Variants in CREB3L2 observed in about 807,000 individuals in gnomAD.
CREB3L2 encodes the protein cyclic AMP-responsive element-binding protein 3-like protein 2.
CREB3L2 carries 23 observed loss-of-function variants against 57.2 expected under a neutral mutation model. That is an observed-to-expected ratio of 0.40 (90% CI 0.29 to 0.57). The LOEUF (loss-of-function observed/expected upper bound fraction) is 0.57, where lower values mean the gene tolerates loss of function less well. Ranked by LOEUF, CREB3L2 falls within the 20% of genes least tolerant of loss-of-function variation. CREB3L2 has a pLI of 0.42. For missense variants in CREB3L2, 628 were observed against 634.7 expected, an observed-to-expected ratio of 0.99 and a Z score of 0.11; for synonymous variants, 268 against 265.1, an observed-to-expected ratio of 1.01 and a Z score of -0.11.
chr7:138,001,802 T>C lies in CREB3L2; in HGVS notation c.-97A>G, dbSNP rs1165196129. Reference sequence around the variant, plus strand: ...AAGGTTCCTCTCTCTCCGCGTGTGCTTGCGTGTGTGCGCGCGCGTGTCTGT... The same window carrying C: ...AAGGTTCCTCTCTCTCCGCGTGTGCCTGCGTGTGTGCGCGCGCGTGTCTGT... On this transcript the variant is annotated 5_prime_UTR_variant, in exon 1 of 12. Coordinates refer to ENST00000330387, the MANE Select transcript of CREB3L2 (RefSeq NM_194071.4). The surrounding 1 kb of genome is among the most constrained non-coding windows in gnomAD (Gnocchi z 4.2). 1 of 828,118 alleles carries C rather than the reference T, an allele frequency of 1.2e-6. No individual in the cohort carries two copies. 51.3% of individuals were successfully genotyped at this position (828,118 alleles called of 1,614,324 possible).
rs1338559912 is a variant in CREB3L2 at position 137,901,543 on chromosome 7, A to T, written c.975-121T>A. 2.5e-5 allele frequency: 15 copies of T among 595,938 alleles called. No individual in the cohort carries two copies. The Admixed American group carries it at 4.7e-4, about 19-fold the overall frequency. 36.9% of individuals were successfully genotyped at this position (595,938 alleles called of 1,614,324 possible). On this transcript the variant is annotated intron_variant, in intron 7 of 11. Transcript: ENST00000330387. ...GTTGGGGGGATCTGCCACCCCATGG[A>T]AGTGTGGGAAAGTATTGAAAGAAGG...
At chr7:137,881,091 A>G (rs954306747) in intron 11 of CREB3L2, among the ~76,000 whole-genome samples, 1 of 152,194 alleles carries the variant, frequency 6.6e-6, no homozygotes, top group African/African-American at 2.4e-5. Context: ...TCACAGAACA[A>G]ATGGGATTTG....
At chr7:137,909,980 T>G (rs1417975059) in intron 4 of CREB3L2, among the ~76,000 whole-genome samples, 1 of 152,172 alleles carries the variant, frequency 6.6e-6, no homozygotes, top group Non-Finnish European at 1.5e-5. Flanking sequence ...AAATGTGCCT[T>G]TCGCTTTCCA....
intron 1 of CREB3L2, among the ~76,000 whole-genome samples, chr7:137,973,712 T>TCA (rs1334441614): frequency 6.6e-6 from 1 of 152,154 alleles, no homozygotes; most frequent in East Asian, 1.9e-4. Context: ...GTTTTACAAC[T>TCA]CAGTCTTCAA....
Position 137,877,561 on chromosome 7 carries a change from A to C in CREB3L2, c.*2915T>G, listed in dbSNP as rs1282011462. 1 of 225,546 alleles carries C rather than the reference A, an allele frequency of 4.4e-6. No individual in the cohort carries two copies. Among genetic ancestry groups the C allele is most frequent in the African/African-American group, 2.2e-5 (1 of 44,864 alleles). The allele number at this position is 225,546 out of a possible 1,614,324, so 14.0% of individuals were successfully genotyped here. ...CTCAGGTCTTATCCAGTGAAAAATT[A>C]GTTCTCTGAATCTTTGCAAAACATC... On this transcript the variant is annotated 3_prime_UTR_variant, in exon 12 of 12. Transcript: ENST00000330387.
At chr7:137,962,636 C>T (rs886486213) in intron 1 of CREB3L2, among the ~76,000 whole-genome samples, 2 of 152,096 alleles carry the variant, frequency 1.3e-5, no homozygotes, top group East Asian at 1.9e-4. Context: ...CAGTCAGAGC[C>T]TCCCACCCCC....
rs1243266014 is a variant in CREB3L2, at chr7:137,878,238, G to A, written c.*2238C>T. ...TCTCCCTCCTCATTTAGAAGAGCAC[G>A]TTTCCTACTCTACGTCTGGGAGCCT... On this transcript the variant is annotated 3_prime_UTR_variant, in exon 12 of 12. Transcript: ENST00000330387. 3.0e-5 allele frequency: 7 copies of A among 232,374 alleles called. No individual in the cohort carries two copies. The highest frequency in any genetic ancestry group is 5.1e-5 in the Non-Finnish European group (6 of 117,580). The allele number at this position is 232,374 out of a possible 1,614,324, so 14.4% of individuals were successfully genotyped here. A position where few individuals can be genotyped will look rare whatever the true frequency, so the allele number is the denominator to read the frequency against.
At chr7:137,895,377 C>A (rs1439570733) in intron 8 of CREB3L2, among the ~76,000 whole-genome samples, 1 of 152,148 alleles carries the variant, frequency 6.6e-6, no homozygotes, top group Non-Finnish European at 1.5e-5. Flanking sequence ...AAGAAGGGCC[C>A]CCTGGGAAAC....
chr7:137,994,282 G>A (rs749177811), intron 1 of CREB3L2, among the ~76,000 whole-genome samples: 22 of 152,228 alleles, frequency 1.4e-4, no homozygotes, highest in Non-Finnish European at 3.1e-4. Context: ...AGTTTTAGCT[G>A]CAGACAGGCA....
At chr7:137,920,930 A>ACAC (rs1207097636) in intron 2 of CREB3L2, among the ~76,000 whole-genome samples, 2 of 152,250 alleles carry the variant, frequency 1.3e-5, no homozygotes, top group African/African-American at 4.8e-5. Flanking sequence ...CTATGAAGTG[A>ACAC]GGGTTAAGGA....
At chr7:137,943,142 TA>T (rs1300056361) in intron 1 of CREB3L2, among the ~76,000 whole-genome samples, 1 of 152,096 alleles carries the variant, frequency 6.6e-6, no homozygotes, top group African/African-American at 2.4e-5. Context: ...TCTCTTTTGT[TA>T]GGAAATAAAA....
chr7:138,001,707 G>A lies in CREB3L2; in HGVS notation c.-2C>T, dbSNP rs760503069. 2.5e-6 allele frequency: 4 copies of A among 1,606,912 alleles called. No individual in the cohort carries two copies. The South Asian group carries it at 4.4e-5, about 18-fold the overall frequency. ...CTCCCCGCTCTCCAGCACCTCCATG[G>A]CGGTGCGGGCCGCGCTGGGCCGAGG... On this transcript the variant is annotated 5_prime_UTR_variant, in exon 1 of 12. Coordinates refer to ENST00000330387, the MANE Select transcript of CREB3L2 (RefSeq NM_194071.4). This position sits in a 1 kb window ranked among gnomAD's most constrained non-coding sequence, Gnocchi z 4.2.
chr7:137,931,542 A>C (rs1800637141), intron 1 of CREB3L2, among the ~76,000 whole-genome samples: 1 of 150,888 alleles, frequency 6.6e-6, no homozygotes, highest in African/African-American at 2.5e-5. Context: ...AAAAAAAAAA[A>C]ACTGGCCAGG....
intron 4 of CREB3L2, 64 bp from the exon 5 acceptor site, chr7:137,908,500 G>T: frequency 8.4e-7 from 1 of 1,197,460 alleles, no homozygotes; most frequent in Non-Finnish European, 1.1e-6. Flanking sequence ...ACTGATTTGT[G>T]GCATAGCAAA....
intron 1 of CREB3L2, among the ~76,000 whole-genome samples, chr7:137,988,805 C>T (rs533585420): frequency 1.3e-5 from 2 of 152,118 alleles, no homozygotes; most frequent in Admixed American, 1.3e-4. Context: ...ATGAAAGGAC[C>T]CTCAGAGGCC....
At chr7:137,999,084 T>G (rs1369623838) in intron 1 of CREB3L2, among the ~76,000 whole-genome samples, 1 of 88,278 alleles carries the variant, frequency 1.1e-5, no homozygotes, top group Non-Finnish European at 2.8e-5. Flanking sequence ...CTCACCAAAA[T>G]GAGTAATCTG....
chr7:137,913,672 T>G (rs1037884752), intron 3 of CREB3L2, among the ~76,000 whole-genome samples: 13 of 152,120 alleles, frequency 8.5e-5, no homozygotes, highest in Admixed American at 3.9e-4. Context: ...ACTTTTTTTT[T>G]TGTGGCATCA....
chr7:137,912,353 G>A (rs1367173863), intron 4 of CREB3L2, among the ~76,000 whole-genome samples: 2 of 148,062 alleles, frequency 1.4e-5, no homozygotes, highest in African/African-American at 5.1e-5. Flanking sequence ...CTCCAGCCTG[G>A]TAACAGAGTG....
chr7:137,994,962 C>T (rs917390096), intron 1 of CREB3L2, among the ~76,000 whole-genome samples: 2 of 152,148 alleles, frequency 1.3e-5, no homozygotes, highest in Admixed American at 1.3e-4. Context: ...ACTAATGATC[C>T]CAATGGTCAT....
Sources: gnomAD v4.1 joint callset for allele counts (sites outside exome capture counted in the v4.1 genomes callset) on GRCh38, gnomAD v4.1.1 for gene constraint, Gnocchi (gnomAD v3.1) non-coding constraint, MANE v1.5 for transcripts, NCBI Gene and HGNC (gene_info 2026-07-23, HGNC 2026-07-21) for gene names.